RASAL2: variants seen among roughly 807,000 people sequenced by gnomAD.
RASAL2 encodes RAS protein activator like 2.
A neutral mutation model predicts 128.9 loss-of-function variants in RASAL2; 58 were observed. The observed-to-expected ratio is 0.45, with a 90% CI of 0.36 to 0.56. The LOEUF (loss-of-function observed/expected upper bound fraction) is 0.56, where lower values mean the gene tolerates loss of function less well. Ranked by LOEUF, RASAL2 falls within the 20% of genes least tolerant of loss-of-function variation. The pLI is 0.00. For missense variants in RASAL2, 1,360 were observed against 1,601.6 expected (o/e 0.85, Z 2.57); for synonymous variants, 561 against 580.8 (o/e 0.97, Z 0.49).
chr1:178,182,266 C>A (rs960597472), intron 1 of RASAL2, among the ~76,000 whole-genome samples: 4 of 152,164 alleles, frequency 2.6e-5, no homozygotes, highest in African/African-American at 9.7e-5. Flanking sequence ...CATCATTGTA[C>A]CTTTGTTTGA....
At chr1:178,339,969 A>T (rs1669782309) in intron 3 of RASAL2, among the ~76,000 whole-genome samples, 1 of 152,192 alleles carries the variant, frequency 6.6e-6, no homozygotes. Flanking sequence ...ATTCAAACAT[A>T]AATAACATCA....
intron 1 of RASAL2, among the ~76,000 whole-genome samples, chr1:178,233,680 G>A (rs969121937): frequency 6.6e-6 from 1 of 152,124 alleles, no homozygotes; most frequent in South Asian, 2.1e-4. Flanking sequence ...CGATCACTTC[G>A]AGCACCATTC....
chr1:178,115,004 C>T (rs1659472847), intron 1 of RASAL2, among the ~76,000 whole-genome samples: 1 of 152,106 alleles, frequency 6.6e-6, no homozygotes, highest in Non-Finnish European at 1.5e-5. Flanking sequence ...ATGCTGACTT[C>T]GTAGTATACA....
intron 3 of RASAL2, among the ~76,000 whole-genome samples, chr1:178,318,896 C>G (rs1668618834): frequency 6.6e-6 from 1 of 151,834 alleles, no homozygotes; most frequent in Non-Finnish European, 1.5e-5. Context: ...TCTCGATGGT[C>G]TTTACATTTT....
intron 4 of RASAL2, among the ~76,000 whole-genome samples, chr1:178,393,925 A>C (rs1673065406): frequency 6.6e-6 from 1 of 152,240 alleles, no homozygotes; most frequent in South Asian, 2.1e-4. Context: ...GTCCCTAGTC[A>C]AATGGAATAT....
At chr1:178,402,129 C>G (rs1207974294) in intron 4 of RASAL2, among the ~76,000 whole-genome samples, 1 of 152,078 alleles carries the variant, frequency 6.6e-6, no homozygotes, top group Non-Finnish European at 1.5e-5. Flanking sequence ...TAAAAAGATA[C>G]TATAGGCTGG....
intron 1 of RASAL2, among the ~76,000 whole-genome samples, chr1:178,114,067 TTTTTG>T (rs1354044493): frequency 6.6e-6 from 1 of 152,084 alleles, no homozygotes; most frequent in Non-Finnish European, 1.5e-5. Context: ...CTAGTGTTTT[TTTTTG>T]TTTTGTTTTG....
intron 3 of RASAL2, among the ~76,000 whole-genome samples, chr1:178,347,706 C>T (rs953025044): frequency 1.3e-5 from 2 of 152,156 alleles, no homozygotes; most frequent in South Asian, 4.1e-4. Flanking sequence ...ACCATATTGA[C>T]GAGAGTGTAA....
chr1:178,365,769 A>G (rs1178357292), intron 3 of RASAL2, among the ~76,000 whole-genome samples: 23 of 152,154 alleles, frequency 1.5e-4, no homozygotes, highest in Admixed American at 1.4e-3. Context: ...CACCATGCCA[A>G]CCTAGTTGCC....
chr1:178,333,177 C>T (rs1669421009), intron 3 of RASAL2, among the ~76,000 whole-genome samples: 1 of 152,030 alleles, frequency 6.6e-6, no homozygotes, highest in African/African-American at 2.4e-5. Flanking sequence ...TACAGGCGCC[C>T]GCCACCGCTC....
chr1:178,433,098 C>T (rs1205717023), intron 5 of RASAL2, among the ~76,000 whole-genome samples: 2 of 152,098 alleles, frequency 1.3e-5, no homozygotes, highest in Non-Finnish European at 2.9e-5. Flanking sequence ...CCAGCCTCTT[C>T]TCCTTCTAAC....
intron 1 of RASAL2, among the ~76,000 whole-genome samples, chr1:178,099,610 C>T (rs1035713525): frequency 2.0e-5 from 3 of 152,232 alleles, no homozygotes; most frequent in Non-Finnish European, 4.4e-5. Flanking sequence ...TATACATCCA[C>T]AATCTCTTTT....
At chr1:178,306,849 C>A (rs1350281059) in intron 3 of RASAL2, among the ~76,000 whole-genome samples, 1 of 119,208 alleles carries the variant, frequency 8.4e-6, no homozygotes, top group African/African-American at 3.4e-5. Context: ...GAACATCACA[C>A]TCTGGGGACT....
chr1:178,116,108 C>T (rs1033502841), intron 1 of RASAL2, among the ~76,000 whole-genome samples: 3 of 152,132 alleles, frequency 2.0e-5, no homozygotes, highest in Admixed American at 6.5e-5. Context: ...GAACTTCTTC[C>T]TTGGAGTCTT....
At chr1:178,469,774 T>C (rs1181013273) in intron 17 of RASAL2, among the ~76,000 whole-genome samples, 2 of 152,182 alleles carry the variant, frequency 1.3e-5, no homozygotes, top group Non-Finnish European at 2.9e-5. Flanking sequence ...GACCACACTC[T>C]CAACTAATGA....
chr1:178,125,953 G>A (rs559816207), intron 1 of RASAL2, among the ~76,000 whole-genome samples: 77 of 152,248 alleles, frequency 5.1e-4, no homozygotes, highest in African/African-American at 1.7e-3. Flanking sequence ...AAGGAGCAAG[G>A]GCTGGTGCTA....
chr1:178,298,961 A>G (rs1667637486), intron 2 of RASAL2, among the ~76,000 whole-genome samples: 3 of 151,968 alleles, frequency 2.0e-5, no homozygotes, highest in Non-Finnish European at 4.4e-5. Flanking sequence ...GAACCATCCC[A>G]TTACTCTACA....
chr1:178,452,850 A>T lies in RASAL2; in HGVS notation c.2009+198A>T, dbSNP rs151089975. On this transcript the variant is annotated intron_variant, in intron 11 of 17. Transcript: ENST00000367649. Reference sequence around the variant, plus strand: ...AAGTAACCTATGATACATGCATTCAATGGAATATTTGCAGGCACTACAAAC... The same window carrying T: ...AAGTAACCTATGATACATGCATTCATTGGAATATTTGCAGGCACTACAAAC... Among the ~76,000 whole-genome samples, 4 of 152,330 alleles carry T rather than the reference A, an allele frequency of 2.6e-5. No homozygotes were observed. In the East Asian group the frequency reaches 7.7e-4, roughly 29 times the overall value.
intron 2 of RASAL2, among the ~76,000 whole-genome samples, chr1:178,286,991 A>G (rs1229385695): frequency 6.6e-6 from 1 of 151,714 alleles, no homozygotes; most frequent in African/African-American, 2.4e-5. Context: ...CAATCCTTCA[A>G]CCCTTCTGAG....
Sources: allele counts gnomAD v4.1 joint callset (sites outside exome capture counted in the v4.1 genomes callset), GRCh38; gene constraint gnomAD v4.1.1; transcripts MANE v1.5; gene names NCBI Gene and HGNC (gene_info 2026-07-23, HGNC 2026-07-21).